ALCAM: variants seen among roughly 807,000 people sequenced by gnomAD.
ALCAM encodes activated leukocyte cell adhesion molecule, also known as CD166 antigen.
ALCAM carries 30 observed loss-of-function variants against 70.9 expected under a neutral mutation model. That is an observed-to-expected ratio of 0.42 (90% CI 0.32 to 0.57). The LOEUF (loss-of-function observed/expected upper bound fraction) is 0.57. ALCAM is among the 20% of genes least tolerant of loss of function. The pLI, the probability that ALCAM is intolerant of heterozygous loss-of-function variation, is 0.11. For synonymous variants in ALCAM, 249 were observed against 242.5 expected (o/e 1.03, Z -0.25); for missense variants, 591 against 695.1 (o/e 0.85, Z 1.68).
At chr3:105,368,460 ATTTTTTTTTCTTTGAAGT>A (rs1559767185) in intron 1 of ALCAM, among the ~76,000 whole-genome samples, 1 of 149,732 alleles carries the variant, frequency 6.7e-6, no homozygotes, top group Non-Finnish European at 1.5e-5. Flanking sequence ...AATTTAGGGG[ATTTTTTTTTCTTTGAAGT>A]TTTTTTTTTC....
At chr3:105,545,118 A>AT in intron 8 of ALCAM, 105 bp from the exon 9 acceptor site, 1 of 762,998 alleles carries the variant, frequency 1.3e-6, no homozygotes, top group Non-Finnish European at 2.3e-6. Flanking sequence ...GAATGTTCAA[A>AT]TGCAGTTAGA....
At chr3:105,415,295 A>G (rs1458752771) in intron 1 of ALCAM, among the ~76,000 whole-genome samples, 1 of 152,170 alleles carries the variant, frequency 6.6e-6, no homozygotes, top group Non-Finnish European at 1.5e-5. Flanking sequence ...AAGAACAAGT[A>G]TGGAACATAT....
chr3:105,508,461 C>G (rs1254071439), intron 1 of ALCAM, among the ~76,000 whole-genome samples: 2 of 152,094 alleles, frequency 1.3e-5, no homozygotes, highest in Non-Finnish European at 2.9e-5. Context: ...ATACAGGTTT[C>G]TTTGCTTATC....
At chr3:105,549,653 AT>A (rs1940343975) in intron 11 of ALCAM, among the ~76,000 whole-genome samples, 1 of 151,472 alleles carries the variant, frequency 6.6e-6, no homozygotes, top group South Asian at 2.1e-4. Context: ...TTAGAAAAAA[AT>A]GGTTTCATGT....
intron 1 of ALCAM, among the ~76,000 whole-genome samples, chr3:105,462,889 T>A (rs1363547721): frequency 6.6e-6 from 1 of 151,406 alleles, no homozygotes; most frequent in Non-Finnish European, 1.5e-5. Flanking sequence ...TCTCACAGTC[T>A]TCTTATCCAG....
At chr3:105,410,412 G>A (rs1212520342) in intron 1 of ALCAM, among the ~76,000 whole-genome samples, 1 of 152,054 alleles carries the variant, frequency 6.6e-6, no homozygotes, top group Non-Finnish European at 1.5e-5. Flanking sequence ...AGTCAGAAGA[G>A]TTAATGTCCA....
At chr3:105,452,286 TCAA>T (rs1198766661) in intron 1 of ALCAM, among the ~76,000 whole-genome samples, 22 of 152,282 alleles carry the variant, frequency 1.4e-4, no homozygotes, top group Non-Finnish European at 2.8e-4. Context: ...TTCTCATTGT[TCAA>T]CTCCCACTTA....
At chr3:105,501,687 G>T (rs1390175964) in intron 1 of ALCAM, among the ~76,000 whole-genome samples, 1 of 152,082 alleles carries the variant, frequency 6.6e-6, no homozygotes, top group Non-Finnish European at 1.5e-5. Context: ...TAATTAAGAT[G>T]AATAATATTA....
In ALCAM at chr3:105,576,809, A is replaced by AC. The variant is rs1420956784; in HGVS notation, c.*2359dup. Reference sequence around the variant, plus strand: ...AACAGGTTTTGCAAGTTCAAGGTTCACTCCCTATATGTGATTATAGGAATT... The same window carrying AC: ...AACAGGTTTTGCAAGTTCAAGGTTCACCTCCCTATATGTGATTATAGGAATT... On this transcript the variant is annotated 3_prime_UTR_variant, in exon 16 of 16. Transcript: ENST00000306107. The AC allele has an allele frequency of 6.6e-6, 1 of 152,036 alleles. No homozygotes were observed. Among genetic ancestry groups the AC allele is most frequent in the Non-Finnish European group, 1.5e-5 (1 of 67,998 alleles). 9.4% of individuals were successfully genotyped at this position (152,036 alleles called of 1,614,324 possible). A position where few individuals can be genotyped will look rare whatever the true frequency, so the allele number is the denominator to read the frequency against.
At chr3:105,384,654 A>G (rs1251974047) in intron 1 of ALCAM, among the ~76,000 whole-genome samples, 1 of 151,592 alleles carries the variant, frequency 6.6e-6, no homozygotes, top group Non-Finnish European at 1.5e-5. Flanking sequence ...AACCAATATA[A>G]ATACAACACA....
chr3:105,471,818 C>G (rs1245329604), intron 1 of ALCAM, among the ~76,000 whole-genome samples: 2 of 151,206 alleles, frequency 1.3e-5, no homozygotes, highest in African/African-American at 2.4e-5. Context: ...TACATCCACT[C>G]TCTTAGCATT....
At chr3:105,369,555 G>T (rs536813279) in intron 1 of ALCAM, among the ~76,000 whole-genome samples, 1 of 152,026 alleles carries the variant, frequency 6.6e-6, no homozygotes, top group South Asian at 2.1e-4. Context: ...TAAAGGCGCC[G>T]TGTCTACACT....
intron 1 of ALCAM, among the ~76,000 whole-genome samples, chr3:105,463,522 A>G (rs1199535368): frequency 1.3e-5 from 2 of 151,466 alleles, no homozygotes; most frequent in African/African-American, 4.8e-5. Flanking sequence ...GTGAACAATA[A>G]AACTTTCTTG....
At chr3:105,540,759 G>A (rs910563621) in intron 7 of ALCAM, among the ~76,000 whole-genome samples, 1 of 151,950 alleles carries the variant, frequency 6.6e-6, no homozygotes, top group Non-Finnish European at 1.5e-5. Flanking sequence ...CACATTGAGG[G>A]AAGCCATAAT....
chr3:105,533,659 G>A lies in ALCAM; in HGVS notation c.516G>A (p.Arg172=). Residue 172 remains arginine (R), a synonymous_variant, in exon 5 of 16, where the codon AGG becomes AGA. Coordinates refer to ENST00000306107, the MANE Select transcript of ALCAM (RefSeq NM_001627.4). ...CAGATGGCAATATCACATGGTACAGGAATGGAAAAGTGCTACATCCCCTTG... is the reference window on the plus strand; with the variant it reads ...CAGATGGCAATATCACATGGTACAGAAATGGAAAAGTGCTACATCCCCTTG... ...SYPDGNITWY[R]NGKVLHPLEG... 6.2e-7 allele frequency: 1 copy of A among 1,611,972 alleles called. No individual in the cohort carries two copies. Among genetic ancestry groups the A allele is most frequent in the Non-Finnish European group, 8.5e-7 (1 of 1,178,528 alleles).
intron 1 of ALCAM, among the ~76,000 whole-genome samples, chr3:105,511,633 G>A (rs1013708282): frequency 9.2e-5 from 14 of 152,008 alleles, no homozygotes; most frequent in Admixed American, 8.5e-4. Context: ...CACCAAATAT[G>A]TGGAAAAATC....
At chr3:105,451,804 T>A (rs936203477) in intron 1 of ALCAM, among the ~76,000 whole-genome samples, 11 of 152,158 alleles carry the variant, frequency 7.2e-5, no homozygotes, top group African/African-American at 1.9e-4. Flanking sequence ...TATAAAACCA[T>A]ATTGGCAAGG....
At chr3:105,552,242 C>A in intron 13 of ALCAM, 60 bp downstream of exon 13, 2 of 1,491,072 alleles carry the variant, frequency 1.3e-6, no homozygotes, top group South Asian at 2.5e-5. Flanking sequence ...TATGAAGTGT[C>A]ATGGTATAAG....
intron 1 of ALCAM, among the ~76,000 whole-genome samples, chr3:105,470,134 C>T (rs9288806): frequency 0.32 from 12,720 of 39,262 alleles, 646 homozygotes; most frequent in East Asian, 0.39. Flanking sequence ...TATATACATA[C>T]ACACACACAC....
Sources: gnomAD v4.1 joint callset for allele counts (sites outside exome capture counted in the v4.1 genomes callset) on GRCh38, gnomAD v4.1.1 for gene constraint, MANE v1.5 for transcripts, NCBI Gene and HGNC (gene_info 2026-07-23, HGNC 2026-07-21) for gene names.